The following TIAM1 variants were observed in gnomAD, a reference collection of about 807,000 sequenced individuals.
The protein encoded by TIAM1 is TIAM Rac1 associated GEF 1.
Under a neutral mutation model 163.5 loss-of-function variants are expected in TIAM1, and 65 were observed. The ratio of observed to expected loss-of-function variants is 0.40; its 90% CI spans 0.33 to 0.49. The LOEUF is 0.49. Among genes scored for constraint, TIAM1 ranks in the 20% least tolerant of loss-of-function variants. TIAM1 has a pLI of 0.77. For missense variants in TIAM1, 1,789 were observed against 2,044.7 expected, an observed-to-expected ratio of 0.87 and a Z score of 2.41; for synonymous variants, 833 against 810.1, an observed-to-expected ratio of 1.03 and a Z score of -0.48.
chr21:31,363,640 T>A (rs1246737727), intron 2 of TIAM1, among the ~76,000 whole-genome samples: 1 of 152,108 alleles, frequency 6.6e-6, no homozygotes, highest in Non-Finnish European at 1.5e-5. Flanking sequence ...CAATCCTCCT[T>A]TTCCCTTTTC....
chr21:31,297,435 C>T (rs1268540740), intron 2 of TIAM1, among the ~76,000 whole-genome samples: 6 of 152,242 alleles, frequency 3.9e-5, no homozygotes, highest in Non-Finnish European at 8.8e-5. Flanking sequence ...CGCTCTGTCA[C>T]CCAGGCTGGA....
intron 2 of TIAM1, among the ~76,000 whole-genome samples, chr21:31,358,804 C>T (rs2076356729): frequency 6.6e-6 from 1 of 152,148 alleles, no homozygotes; most frequent in South Asian, 2.1e-4. Context: ...CATCCTCATC[C>T]AGGACCATGG....
chr21:31,152,585 A>G (rs752182479), intron 19 of TIAM1, 51 bp downstream of exon 19: 9 of 1,604,654 alleles, frequency 5.6e-6, no homozygotes, highest in Admixed American at 5.1e-5. Flanking sequence ...AGGGGATTCA[A>G]CTTGAGCCAC....
intron 2 of TIAM1, among the ~76,000 whole-genome samples, chr21:31,280,391 G>C (rs1380624703): frequency 2.6e-5 from 4 of 152,106 alleles, no homozygotes; most frequent in Non-Finnish European, 5.9e-5. Context: ...CAGGTAAGAT[G>C]TGACTTTCTC....
intron 2 of TIAM1, among the ~76,000 whole-genome samples, chr21:31,379,322 G>A (rs141144702): frequency 6.6e-6 from 1 of 152,156 alleles, no homozygotes; most frequent in Non-Finnish European, 1.5e-5. Context: ...TAGTATCTGT[G>A]GGGGAGCAGA....
intron 2 of TIAM1, among the ~76,000 whole-genome samples, chr21:31,305,405 T>G (rs1388189590): frequency 1.3e-5 from 2 of 148,214 alleles, no homozygotes. Flanking sequence ...CGATGGGCAT[T>G]AACTCTGAAA....
In TIAM1 at chr21:31,225,719, C is replaced by A. The variant is rs374893728; in HGVS notation, c.1809+7G>T. The A allele has an allele frequency of 1.9e-6, 3 of 1,603,998 alleles. No homozygotes were observed. In the Admixed American group the frequency reaches 5.0e-5, roughly 27 times the overall value. ...TTGTCCGGACCTAAACACGGAAGAA[C>A]GATTACCTGATCTAATATTGTTTTC... is the stretch of plus-strand genomic sequence containing the variant. On this transcript the variant is annotated splice_region_variant and intron_variant, in intron 7 of 27. Coordinates refer to ENST00000541036, the MANE Select transcript of TIAM1 (RefSeq NM_001353694.2).
intron 2 of TIAM1, among the ~76,000 whole-genome samples, chr21:31,455,272 T>A (rs1602321652): frequency 1.0e-5 from 1 of 95,554 alleles, no homozygotes; most frequent in Non-Finnish European, 2.0e-5. Flanking sequence ...AGAGTGAAAC[T>A]CTGCCTCAAA....
rs914316458 is a variant in TIAM1 at position 31,234,765 on chromosome 21, G to A, written c.1585-8815C>T. Among the ~76,000 whole-genome samples the A allele has an allele frequency of 7.9e-5, 9 of 113,742 alleles. No homozygotes were observed. The East Asian group carries it at 1.4e-3, about 17-fold the overall frequency. The allele number at this position is 113,742 out of a possible 152,430, so 74.6% of individuals were successfully genotyped here. On this transcript the variant is annotated intron_variant, in intron 6 of 27. Coordinates refer to ENST00000541036, the MANE Select transcript of TIAM1 (RefSeq NM_001353694.2). ...CCACTGCACTCCAGCCTGGGCGACA[G>A]AGTGAGACCCTGTCTCCAAAAAAAA...
chr21:31,445,497 T>C (rs2044589772), intron 2 of TIAM1, among the ~76,000 whole-genome samples: 2 of 152,246 alleles, frequency 1.3e-5, no homozygotes, highest in Admixed American at 1.3e-4. Flanking sequence ...AGATGTTATA[T>C]TCCCACTTGC....
chr21:31,140,063 G>A (rs1308050741), intron 22 of TIAM1, among the ~76,000 whole-genome samples: 3 of 152,134 alleles, frequency 2.0e-5, no homozygotes, highest in Non-Finnish European at 4.4e-5. Context: ...CACATCTTAT[G>A]AGTAAAATAA....
chr21:31,458,237 T>C (rs2045185993), intron 2 of TIAM1, among the ~76,000 whole-genome samples: 3 of 151,978 alleles, frequency 2.0e-5, no homozygotes, highest in African/African-American at 7.2e-5. Flanking sequence ...CTAGCCAACA[T>C]AGTGAAATCC....
intron 19 of TIAM1, among the ~76,000 whole-genome samples, chr21:31,148,200 T>C (rs1360444545): frequency 6.6e-6 from 1 of 152,046 alleles, no homozygotes; most frequent in Non-Finnish European, 1.5e-5. Flanking sequence ...GGAGTTATCC[T>C]TGGAGCCTGA....
chr21:31,336,345 C>A (rs941178479), intron 2 of TIAM1, among the ~76,000 whole-genome samples: 1 of 152,092 alleles, frequency 6.6e-6, no homozygotes, highest in African/African-American at 2.4e-5. Flanking sequence ...AAACTCCCTC[C>A]GGGGGGAAGA....
intron 2 of TIAM1, among the ~76,000 whole-genome samples, chr21:31,297,222 A>G (rs2074311863): frequency 6.6e-6 from 1 of 152,234 alleles, no homozygotes; most frequent in Admixed American, 6.5e-5. Flanking sequence ...AACCAGACAA[A>G]AGAGGACAAA....
chr21:31,123,567 G>A (rs2082077133), intron 27 of TIAM1, among the ~76,000 whole-genome samples: 3 of 152,166 alleles, frequency 2.0e-5, no homozygotes, highest in Non-Finnish European at 4.4e-5. Flanking sequence ...AATATCCCAT[G>A]TCAAGCCAGG....
intron 2 of TIAM1, among the ~76,000 whole-genome samples, chr21:31,324,482 A>G (rs1043264977): frequency 1.3e-5 from 2 of 152,232 alleles, no homozygotes; most frequent in Non-Finnish European, 2.9e-5. Context: ...AAGTTTCTTA[A>G]TTTTCTGACA....
intron 2 of TIAM1, among the ~76,000 whole-genome samples, chr21:31,315,817 T>G (rs1260534162): frequency 3.4e-5 from 5 of 146,892 alleles, no homozygotes; most frequent in African/African-American, 1.3e-4. Context: ...CCGTCTCTAC[T>G]AAAAATACAA....
rs183340191 is a variant in TIAM1 at position 31,495,708 on chromosome 21, G to A, written c.-421-31673C>T. ...ATGGAGGCCAGGCGCAGTGGCTCACGCCTGTAATCCCGGCACTTTGGGAGG... is the reference window on the plus strand; with the variant it reads ...ATGGAGGCCAGGCGCAGTGGCTCACACCTGTAATCCCGGCACTTTGGGAGG... On this transcript the variant is annotated intron_variant, in intron 1 of 28. Coordinates refer to the TIAM1 transcript ENST00000286827. Among the ~76,000 whole-genome samples the A allele has an allele frequency of 5.9e-5, 9 of 152,310 alleles. No individual in the cohort carries two copies. The East Asian group carries it at 9.6e-4, about 16-fold the overall frequency.
Sources: allele counts gnomAD v4.1 joint callset (sites outside exome capture counted in the v4.1 genomes callset), GRCh38; gene constraint gnomAD v4.1.1; transcripts MANE v1.5; gene names NCBI Gene and HGNC (gene_info 2026-07-23, HGNC 2026-07-21).